Variants in TENM3 observed in about 807,000 individuals in gnomAD.
TENM3 encodes teneurin transmembrane protein 3.
Under a neutral mutation model 255.1 loss-of-function variants are expected in TENM3, and 63 were observed. The observed-to-expected ratio is 0.25, with a 90% CI of 0.20 to 0.30. The LOEUF (loss-of-function observed/expected upper bound fraction) is 0.30. Ranked by LOEUF, TENM3 falls within the 10% of genes least tolerant of loss-of-function variation. The probability of loss-of-function intolerance (pLI) is 1.00; values close to 1 mark genes in which losing one functional copy is unlikely to be tolerated. For missense variants in TENM3, 2,929 were observed against 3,461.1 expected (o/e 0.85, Z 3.86); for synonymous variants, 1,306 against 1,322.3 (o/e 0.99, Z 0.27).
intron 14 of TENM3, among the ~76,000 whole-genome samples, chr4:182,729,893 C>T (rs1375840123): frequency 6.6e-6 from 1 of 152,040 alleles, no homozygotes; most frequent in Admixed American, 6.6e-5. Context: ...ATATATATGA[C>T]TTATGAAAAA....
At chr4:182,152,683 C>G (rs1750423064) in intron 1 of TENM3, among the ~76,000 whole-genome samples, 1 of 151,840 alleles carries the variant, frequency 6.6e-6, no homozygotes, top group African/African-American at 2.4e-5. Flanking sequence ...AAAAATTACA[C>G]ATGTGACAGG....
At chr4:181,632,816 G>A in the TENM3 span, among the ~76,000 whole-genome samples, 6 of 152,102 alleles carry the variant, frequency 3.9e-5, no homozygotes, top group Non-Finnish European at 8.8e-5. Flanking sequence ...GAATATGACG[G>A]CATGAGCCAC....
chr4:181,961,328 A>G, the TENM3 span, among the ~76,000 whole-genome samples: 1 of 152,238 alleles, frequency 6.6e-6, no homozygotes, highest in African/African-American at 2.4e-5. Flanking sequence ...ATTTAAAATG[A>G]CCTTGGATCA....
At chr4:181,923,965 G>A in the TENM3 span, among the ~76,000 whole-genome samples, 3 of 152,196 alleles carry the variant, frequency 2.0e-5, no homozygotes, top group South Asian at 2.1e-4. Context: ...ACTAATTTAT[G>A]CTAATTGTTG....
intron 16 of TENM3, among the ~76,000 whole-genome samples, chr4:182,732,001 T>A (rs1579276749): frequency 2.0e-5 from 3 of 152,210 alleles, no homozygotes; most frequent in Admixed American, 2.0e-4. Context: ...CAGGATGGTC[T>A]CCATCTCCTG....
At chr4:181,544,430 A>G in the TENM3 span, among the ~76,000 whole-genome samples, 1 of 144,282 alleles carries the variant, frequency 6.9e-6, no homozygotes, top group African/African-American at 2.5e-5. Flanking sequence ...AAAAAAAAAA[A>G]AAAAAACTAT....
intron 3 of TENM3, among the ~76,000 whole-genome samples, chr4:182,514,405 G>C (rs1737726185): frequency 6.6e-6 from 1 of 152,142 alleles, no homozygotes; most frequent in African/African-American, 2.4e-5. Flanking sequence ...AAAGGGGAAA[G>C]ATAATAAATT....
At chr4:181,929,398 C>G in the TENM3 span, among the ~76,000 whole-genome samples, 5 of 149,104 alleles carry the variant, frequency 3.4e-5, no homozygotes, top group African/African-American at 1.2e-4. Context: ...TCTGGTAAAA[C>G]AGACTTTAAA....
the TENM3 span, among the ~76,000 whole-genome samples, chr4:182,036,317 A>G: frequency 1.3e-5 from 2 of 152,004 alleles, no homozygotes; most frequent in Admixed American, 6.6e-5. Flanking sequence ...CAGCCTCCCA[A>G]GTAGCTGGGA....
At chr4:182,553,718 G>A (rs941575498) in intron 3 of TENM3, among the ~76,000 whole-genome samples, 3 of 152,132 alleles carry the variant, frequency 2.0e-5, no homozygotes, top group African/African-American at 7.2e-5. Context: ...TGCCGTTAGC[G>A]TTTACAGCAC....
chr4:181,825,415 A>C, the TENM3 span, among the ~76,000 whole-genome samples: 2 of 151,028 alleles, frequency 1.3e-5, no homozygotes, highest in Admixed American at 6.6e-5. Context: ...AAAAAAAAAA[A>C]AAAAAAAAAA....
intron 12 of TENM3, chr4:182,711,593 T>C (rs1758750198): frequency 1.0e-6 from 1 of 979,490 alleles, no homozygotes; most frequent in South Asian, 4.7e-5. Flanking sequence ...TTGGATAAGA[T>C]AGTTAAAGGT....
At chr4:181,999,996 A>C in the TENM3 span, among the ~76,000 whole-genome samples, 5 of 152,184 alleles carry the variant, frequency 3.3e-5, no homozygotes, top group African/African-American at 1.2e-4. Flanking sequence ...GAAAATTTTC[A>C]TCCATAGTTA....
At chr4:182,222,514 A>G (rs914017019) in intron 1 of TENM3, among the ~76,000 whole-genome samples, 5 of 152,184 alleles carry the variant, frequency 3.3e-5, no homozygotes, top group Non-Finnish European at 5.9e-5. Flanking sequence ...GTTTGAAAAT[A>G]TAGGAGGAAA....
Position 182,789,242 on chromosome 4 carries a change from C to T in TENM3, c.5454C>T (p.Ala1818=). The T allele has an allele frequency of 1.9e-6, 3 of 1,613,698 alleles. No homozygotes were observed. Among genetic ancestry groups the T allele is most frequent in the Non-Finnish European group, 2.5e-6 (3 of 1,179,782 alleles). The change falls in exon 25 of 28, where the codon GCC becomes GCT. Residue 1818 remains alanine (A), a synonymous_variant. Transcript: ENST00000511685. The surrounding 1 kb of genome is among the most constrained non-coding windows in gnomAD (Gnocchi z 4.4). ...TLWLPSSKLM[A]VNVTYSSTGQ... ...GGCTGCCAAGCAGCAAGCTGATGGC[C>T]GTCAATGTCACCTATTCATCCACAG...
At chr4:182,200,068 A>G (rs1192964702) in intron 1 of TENM3, among the ~76,000 whole-genome samples, 3 of 152,116 alleles carry the variant, frequency 2.0e-5, no homozygotes, top group African/African-American at 7.2e-5. Context: ...TCAGGATATA[A>G]TTAGTCATTC....
At chr4:181,771,141 A>G in the TENM3 span, among the ~76,000 whole-genome samples, 8 of 152,226 alleles carry the variant, frequency 5.3e-5, no homozygotes, top group Non-Finnish European at 2.9e-5. Context: ...TCTGATTATG[A>G]AAGATTTCAT....
chr4:181,666,732 A>T, the TENM3 span, among the ~76,000 whole-genome samples: 3 of 152,324 alleles, frequency 2.0e-5, no homozygotes, highest in East Asian at 5.8e-4. Flanking sequence ...TTGATCACTG[A>T]CATTGTTAAC....
At chr4:182,232,699 A>G (rs533874507) in intron 1 of TENM3, among the ~76,000 whole-genome samples, 23 of 152,254 alleles carry the variant, frequency 1.5e-4, no homozygotes, top group African/African-American at 5.3e-4. Flanking sequence ...CATCCAAAAA[A>G]AAAAGACATA....
Sources: allele counts gnomAD v4.1 joint callset (sites outside exome capture counted in the v4.1 genomes callset), GRCh38; gene constraint gnomAD v4.1.1; non-coding constraint Gnocchi (gnomAD v3.1); transcripts MANE v1.5; gene names NCBI Gene and HGNC (gene_info 2026-07-23, HGNC 2026-07-21).